The following LRRTM4 variants were observed in gnomAD, a reference collection of about 807,000 sequenced individuals.
The protein encoded by LRRTM4 is leucine-rich repeat transmembrane neuronal protein 4.
Under a neutral mutation model 47.6 loss-of-function variants are expected in LRRTM4, and 25 were observed. That is an observed-to-expected ratio of 0.53 (90% CI 0.38 to 0.73). The LOEUF (loss-of-function observed/expected upper bound fraction) is 0.73. LRRTM4 is among the 30% of genes least tolerant of loss of function. The pLI is 0.00. For synonymous variants in LRRTM4, 311 were observed against 269.5 expected, an observed-to-expected ratio of 1.15 and a Z score of -1.51; for missense variants, 638 against 713.4, an observed-to-expected ratio of 0.89 and a Z score of 1.20.
chr2:77,213,410 TC>T (rs1304886577), intron 3 of LRRTM4, among the ~76,000 whole-genome samples: 1 of 152,108 alleles, frequency 6.6e-6, no homozygotes, highest in East Asian at 1.9e-4. Context: ...AGATTCCTCA[TC>T]TTATAAAATG....
chr2:77,089,327 T>G (rs1281253637), intron 3 of LRRTM4, among the ~76,000 whole-genome samples: 1 of 151,498 alleles, frequency 6.6e-6, no homozygotes, highest in Non-Finnish European at 1.5e-5. Flanking sequence ...CCCACTTTTC[T>G]AGAGGAGGGA....
At chr2:77,328,099 G>A (rs1670846380) in intron 3 of LRRTM4, among the ~76,000 whole-genome samples, 1 of 152,116 alleles carries the variant, frequency 6.6e-6, no homozygotes, top group African/African-American at 2.4e-5. Flanking sequence ...TACATACTGT[G>A]CTAAACCCTA....
chr2:76,827,991 G>C (rs993074916), intron 3 of LRRTM4, among the ~76,000 whole-genome samples: 1 of 151,986 alleles, frequency 6.6e-6, no homozygotes. Context: ...TTTTACTCTT[G>C]GGAAATAGTG....
chr2:76,904,733 G>A (rs1355705397), intron 3 of LRRTM4, among the ~76,000 whole-genome samples: 3 of 152,162 alleles, frequency 2.0e-5, no homozygotes, highest in Non-Finnish European at 4.4e-5. Context: ...CCACCGTCAA[G>A]TTTTGTATGC....
intron 3 of LRRTM4, among the ~76,000 whole-genome samples, chr2:77,043,695 T>C (rs933407316): frequency 2.0e-5 from 3 of 151,784 alleles, no homozygotes; most frequent in Non-Finnish European, 4.4e-5. Flanking sequence ...CAGCCAAACT[T>C]TATGAAGGAT....
chr2:76,750,393 A>G (rs1451676401), intron 3 of LRRTM4, among the ~76,000 whole-genome samples: 2 of 152,188 alleles, frequency 1.3e-5, no homozygotes, highest in Non-Finnish European at 2.9e-5. Context: ...GGTGGTAGCT[A>G]CTTCCTAACA....
At chr2:76,765,717 T>C (rs1338182829) in intron 3 of LRRTM4, among the ~76,000 whole-genome samples, 1 of 152,220 alleles carries the variant, frequency 6.6e-6, no homozygotes, top group African/African-American at 2.4e-5. Context: ...CTTGGACTTC[T>C]GGCCTCCAGG....
chr2:77,495,095 T>C (rs1043545608), intron 3 of LRRTM4, among the ~76,000 whole-genome samples: 11 of 152,138 alleles, frequency 7.2e-5, no homozygotes, highest in African/African-American at 2.4e-4. Flanking sequence ...TTGCAAATAA[T>C]GTCACTATGT....
At chr2:76,948,246 G>C (rs1167582004) in intron 3 of LRRTM4, among the ~76,000 whole-genome samples, 1 of 151,826 alleles carries the variant, frequency 6.6e-6, no homozygotes. Context: ...AGATAGAAGT[G>C]ATGACAAATT....
chr2:77,091,247 C>T (rs540838836), intron 3 of LRRTM4, among the ~76,000 whole-genome samples: 15 of 130,352 alleles, frequency 1.2e-4, no homozygotes, highest in East Asian at 4.4e-4. Context: ...CCTCTTGTAT[C>T]CCCCCACCTT....
chr2:77,103,703 CATAAA>C (rs1218689848), intron 3 of LRRTM4, among the ~76,000 whole-genome samples: 4 of 138,104 alleles, frequency 2.9e-5, no homozygotes, highest in Non-Finnish European at 4.5e-5. Context: ...CATAGGCATA[CATAAA>C]ATAAAAGATT....
intron 3 of LRRTM4, among the ~76,000 whole-genome samples, chr2:77,372,086 G>C (rs954275870): frequency 1.3e-5 from 2 of 151,736 alleles, no homozygotes; most frequent in African/African-American, 4.8e-5. Flanking sequence ...TTACAGCTAA[G>C]GAGACACTAA....
intron 3 of LRRTM4, among the ~76,000 whole-genome samples, chr2:77,153,770 T>C (rs1180969022): frequency 6.6e-6 from 1 of 152,154 alleles, no homozygotes; most frequent in Non-Finnish European, 1.5e-5. Context: ...CTCATATATA[T>C]ACATCTGAAA....
intron 3 of LRRTM4, among the ~76,000 whole-genome samples, chr2:76,837,371 C>G (rs1446430441): frequency 5.3e-5 from 8 of 151,862 alleles, no homozygotes; most frequent in Non-Finnish European, 8.8e-5. Context: ...TTTTTTGTCT[C>G]TATTTCCTTC....
intron 3 of LRRTM4, among the ~76,000 whole-genome samples, chr2:77,057,964 C>T (rs1338480626): frequency 6.6e-6 from 1 of 152,112 alleles, no homozygotes; most frequent in Non-Finnish European, 1.5e-5. Context: ...TCAGCTTTTC[C>T]ACTTGTTACT....
chr2:77,412,035 T>C (rs1674462366), intron 3 of LRRTM4, among the ~76,000 whole-genome samples: 2 of 152,260 alleles, frequency 1.3e-5, no homozygotes, highest in Non-Finnish European at 2.9e-5. Flanking sequence ...CCCCCATAAG[T>C]ACAACTGTGG....
In LRRTM4 at chr2:76,915,247, A is replaced by G. The variant is rs1364675845; in HGVS notation, c.1552-166331T>C. Among the ~76,000 whole-genome samples the G allele has an allele frequency of 2.6e-5, 4 of 152,166 alleles. 1 individual carries two copies. The highest frequency in any genetic ancestry group is 1.3e-4 in the Admixed American group (2 of 15,268). ...GGACTAATGGGTTGAAGTCTGTGGG[A>G]GAGTATGTATCACAAAAATCATTCT... On this transcript the variant is annotated intron_variant, in intron 3 of 3. Transcript: ENST00000409884.
intron 3 of LRRTM4, among the ~76,000 whole-genome samples, chr2:77,207,349 G>GTATATATATA (rs1553409290): frequency 9.3e-4 from 112 of 120,832 alleles, no homozygotes; most frequent in African/African-American, 1.4e-3. Context: ...TCATATATGT[G>GTATATATATA]TATATATATA....
chr2:77,362,613 G>A (rs993700720), intron 3 of LRRTM4, among the ~76,000 whole-genome samples: 2 of 152,154 alleles, frequency 1.3e-5, no homozygotes, highest in African/African-American at 4.8e-5. Context: ...GTAATCTGGG[G>A]ACTGGTCCGA....
Sources: gnomAD v4.1 joint callset for allele counts (sites outside exome capture counted in the v4.1 genomes callset) on GRCh38, gnomAD v4.1.1 for gene constraint, MANE v1.5 for transcripts, NCBI Gene and HGNC (gene_info 2026-07-23, HGNC 2026-07-21) for gene names.